DNAH11: variants seen among roughly 807,000 people sequenced by gnomAD.
DNAH11 encodes the protein axonemal beta dynein heavy chain 11.
A neutral mutation model predicts 526.0 loss-of-function variants in DNAH11; 442 were observed. The observed-to-expected ratio is 0.84, with a 90% CI of 0.78 to 0.91. The LOEUF is 0.91. DNAH11 is among the 40% of genes least tolerant of loss of function. The pLI is 0.00. For missense variants in DNAH11, 6,989 were observed against 5,448.7 expected, an observed-to-expected ratio of 1.28 and a Z score of -8.90; for synonymous variants, 2,461 against 1,935.9, an observed-to-expected ratio of 1.27 and a Z score of -7.12.
At chr7:21,619,605 A>T (rs67504982) in intron 24 of DNAH11, among the ~76,000 whole-genome samples, 35,050 of 152,090 alleles carry the variant, frequency 0.23, 4,666 homozygotes, top group East Asian at 0.5. Context: ...CACACAGAAG[A>T]CTGAGATTCA....
At chr7:21,767,837 CTTTTT>C (rs373738291) in intron 55 of DNAH11, among the ~76,000 whole-genome samples, 54 of 151,982 alleles carry the variant, frequency 3.6e-4, no homozygotes, top group African/African-American at 1.2e-3. Context: ...TTTTAATTTC[CTTTTT>C]TAAGACTGAA....
chr7:21,860,753 CAT>C (rs888598176), intron 68 of DNAH11, among the ~76,000 whole-genome samples: 39 of 152,278 alleles, frequency 2.6e-4, no homozygotes, highest in African/African-American at 8.9e-4. Flanking sequence ...CTGATAAAGA[CAT>C]ACCCAAGAGA....
chr7:21,671,532 AT>A (rs141360898), intron 30 of DNAH11, among the ~76,000 whole-genome samples: 8 of 151,116 alleles, frequency 5.3e-5, no homozygotes, highest in Admixed American at 5.3e-4. Flanking sequence ...TTCGTAATTT[AT>A]TTTTTTTCTC....
chr7:21,771,728 C>T (rs181975130), intron 55 of DNAH11, among the ~76,000 whole-genome samples: 1 of 151,942 alleles, frequency 6.6e-6, no homozygotes, highest in African/African-American at 2.4e-5. Context: ...TATTAAGAGG[C>T]CAAATCTAGC....
intron 55 of DNAH11, among the ~76,000 whole-genome samples, chr7:21,765,831 C>T (rs563433381): frequency 1.3e-5 from 2 of 152,296 alleles, no homozygotes; most frequent in East Asian, 1.9e-4. Context: ...TGCGTGAACA[C>T]GGGCACGCAC....
chr7:21,543,089 C>T lies in DNAH11; in HGVS notation c.-157C>T, dbSNP rs1782647466. 2 of 1,397,978 alleles carry T rather than the reference C, an allele frequency of 1.4e-6. No individual in the cohort carries two copies. The highest frequency in any genetic ancestry group is 1.9e-6 in the Non-Finnish European group (2 of 1,076,780). The allele number at this position is 1,397,978 out of a possible 1,614,324, so 86.6% of individuals were successfully genotyped here. ...GAGGCTACAGCTGTGCGCAGTGGCG[C>T]GGCTGCTAAGTAGCAGCAGGTGGGA... On this transcript the variant is annotated 5_prime_UTR_variant, in exon 1 of 82. Coordinates refer to ENST00000409508, the MANE Select transcript of DNAH11 (RefSeq NM_001277115.2).
At chr7:21,586,383 A>G (rs1784478780) in intron 9 of DNAH11, among the ~76,000 whole-genome samples, 1 of 152,224 alleles carries the variant, frequency 6.6e-6, no homozygotes, top group Admixed American at 6.5e-5. Context: ...TGACTGTGGG[A>G]AGAAAGTTAA....
chr7:21,629,863 T>G (rs1446136714), intron 25 of DNAH11, among the ~76,000 whole-genome samples: 1 of 152,130 alleles, frequency 6.6e-6, no homozygotes, highest in Non-Finnish European at 1.5e-5. Flanking sequence ...GTTATGTTTC[T>G]TTAGCTATTC....
intron 2 of DNAH11, among the ~76,000 whole-genome samples, chr7:21,548,541 G>A (rs1782891900): frequency 6.6e-6 from 1 of 152,148 alleles, no homozygotes; most frequent in African/African-American, 2.4e-5. Context: ...CTCCAATTTT[G>A]GTGGCCATAT....
At chr7:21,843,612 C>T (rs1432705288) in intron 66 of DNAH11, among the ~76,000 whole-genome samples, 1 of 151,844 alleles carries the variant, frequency 6.6e-6, no homozygotes, top group Non-Finnish European at 1.5e-5. Context: ...TCCCGAGTAG[C>T]TGGGACTACA....
rs777097347 is a variant in DNAH11, at chr7:21,750,313, C to T, written c.8889C>T (p.Ser2963=). 6.2e-6 allele frequency: 10 copies of T among 1,605,732 alleles called. No individual in the cohort carries two copies. The highest frequency in any genetic ancestry group is 8.5e-6 in the Non-Finnish European group (10 of 1,176,024). The change falls in exon 54 of 82, where the codon TCC becomes TCT. Residue 2963 remains serine, a synonymous_variant. Transcript: ENST00000409508. ...TTCATGCTCTGGGCATGGTAGACTCCAGGGAAAACTGTTGGAAATTCTTTA... is the reference window on the plus strand; with the variant it reads ...TTCATGCTCTGGGCATGGTAGACTCTAGGGAAAACTGTTGGAAATTCTTTA... ...NEVHALGMVD[S]RENCWKFFMA...
In DNAH11 at chr7:21,763,796, A is replaced by T. The variant is rs78773482; in HGVS notation, c.8941-1632A>T. On this transcript the variant is annotated intron_variant, in intron 54 of 81. Coordinates refer to ENST00000409508, the MANE Select transcript of DNAH11 (RefSeq NM_001277115.2). ...CAACTAGATAATGTGCTATATATACATATACATATACATATACATATATAT... is the reference window on the plus strand; with the variant it reads ...CAACTAGATAATGTGCTATATATACTTATACATATACATATACATATATAT... 6.7e-3 allele frequency among the ~76,000 whole-genome samples: 305 copies of T among 45,638 alleles called. 3 individuals are homozygous for T. The highest frequency in any genetic ancestry group is 0.017 in the African/African-American group (293 of 17,574). 29.9% of individuals were successfully genotyped at this position (45,638 alleles called of 152,430 possible).
chr7:21,705,386 G>C (rs1784224372), intron 38 of DNAH11, 74 bp from the exon 39 acceptor site: 1 of 1,501,150 alleles, frequency 6.7e-7, no homozygotes, highest in African/African-American at 1.4e-5. Flanking sequence ...AAGAAGAATT[G>C]GGCAAAAATG....
In DNAH11 at chr7:21,794,663, C is replaced by T. The variant is rs147108856; in HGVS notation, c.10026+5321C>T. 5.9e-3 allele frequency among the ~76,000 whole-genome samples: 894 copies of T among 151,894 alleles called. 12 individuals carry two copies. The highest frequency in any genetic ancestry group is 0.02 in the African/African-American group (850 of 41,504). On this transcript the variant is annotated intron_variant, in intron 61 of 81. Transcript: ENST00000409508. The stretch of plus-strand genomic sequence containing the variant: ...TTGAACAGCCACTCTGATTTGGCAT[C>T]TCCTTTGACTGAGATGAAGAAGAGA...
chr7:21,806,115 A>G (rs1393584404), intron 62 of DNAH11, among the ~76,000 whole-genome samples: 7 of 152,340 alleles, frequency 4.6e-5, no homozygotes, highest in South Asian at 2.1e-4. Context: ...ATTACAGGAC[A>G]TGTTCCAACT....
chr7:21,664,779 A>T (rs781776486), intron 30 of DNAH11, among the ~76,000 whole-genome samples: 1 of 151,992 alleles, frequency 6.6e-6, no homozygotes, highest in Non-Finnish European at 1.5e-5. Context: ...TTAATTTTGC[A>T]ATTACTCAGT....
intron 51 of DNAH11, among the ~76,000 whole-genome samples, chr7:21,746,917 G>C (rs1786175888): frequency 6.6e-6 from 1 of 152,170 alleles, no homozygotes; most frequent in South Asian, 2.1e-4. Flanking sequence ...AGGTGAAACA[G>C]AAACCTCCCA....
intron 18 of DNAH11, among the ~76,000 whole-genome samples, chr7:21,604,929 AG>A (rs899963744): frequency 2.0e-5 from 3 of 152,112 alleles, no homozygotes; most frequent in Non-Finnish European, 4.4e-5. Context: ...GGAAGGACAA[AG>A]GGGTTTAAAG....
At chr7:21,662,399 T>C (rs925855554) in intron 30 of DNAH11, among the ~76,000 whole-genome samples, 1 of 152,176 alleles carries the variant, frequency 6.6e-6, no homozygotes, top group African/African-American at 2.4e-5. Context: ...CATCCATCAA[T>C]TCATTTTGTG....
Sources: gnomAD v4.1 joint callset for allele counts (sites outside exome capture counted in the v4.1 genomes callset) on GRCh38, gnomAD v4.1.1 for gene constraint, MANE v1.5 for transcripts, NCBI Gene and HGNC (gene_info 2026-07-23, HGNC 2026-07-21) for gene names.